Variants in LMNTD2 observed in about 807,000 individuals in gnomAD.
LMNTD2 encodes the protein lamin tail domain-containing protein 2.
Under a neutral mutation model 70.1 loss-of-function variants are expected in LMNTD2, and 83 were observed. That is an observed-to-expected ratio of 1.18 (90% CI 0.99 to 1.42). The LOEUF (loss-of-function observed/expected upper bound fraction) is 1.42. Ranked by LOEUF, LMNTD2 falls within the 40% of genes most tolerant of loss-of-function variation. The probability of loss-of-function intolerance (pLI) is 0.00; values close to 1 mark genes in which losing one functional copy is unlikely to be tolerated. For missense variants in LMNTD2, 1,153 were observed against 905.9 expected, an observed-to-expected ratio of 1.27 and a Z score of -3.50; for synonymous variants, 534 against 406.1, an observed-to-expected ratio of 1.31 and a Z score of -3.79.
chr11:557,770 C>T (rs1448606873), intron 5 of LMNTD2, 114 bp downstream of exon 5: 3 of 1,549,006 alleles, frequency 1.9e-6, no homozygotes, highest in African/African-American at 2.7e-5. Context: ...TCCAGAGGCA[C>T]CTGAGCAGGG....
In LMNTD2 at chr11:558,872, A is replaced by C. The variant is rs755276842; in HGVS notation, c.142T>G (p.Cys48Gly). The change falls in exon 2 of 14, where the codon TGC (cysteine) becomes GGC (glycine). Residue 48 changes from cysteine to glycine, a missense_variant. By Grantham distance (159) the Cys-to-Gly change is radical. Transcript: ENST00000329451. ...CCTCCTTACTGCGGGTCGGCAGAGC[A>C]GACCACCGGTGCGGGGTGGGGCGTG... The part of the protein sequence containing the change: ...DTTPHPAPVV[C>G]SADPQLALES... 6.2e-7 allele frequency: 1 copy of C among 1,606,872 alleles called. No individual in the cohort carries two copies. Among genetic ancestry groups the C allele is most frequent in the East Asian group, 2.2e-5 (1 of 44,646 alleles).
At chr11:557,519 C>A in intron 6 of LMNTD2, 32 bp from the exon 7 acceptor site, 1 of 1,613,414 alleles carries the variant, frequency 6.2e-7, no homozygotes, top group Non-Finnish European at 8.5e-7. Flanking sequence ...CATGGTCCTC[C>A]CCTCCCGCAG....
chr11:557,387 C>T lies in LMNTD2; in HGVS notation c.713+12G>A, dbSNP rs757739525. The T allele has an allele frequency of 5.7e-6, 9 of 1,588,404 alleles. No individual in the cohort carries two copies. Among genetic ancestry groups the T allele is most frequent in the East Asian group, 2.3e-5 (1 of 43,696 alleles). On this transcript the variant is annotated intron_variant, in intron 7 of 13. Coordinates refer to ENST00000329451, the MANE Select transcript of LMNTD2 (RefSeq NM_173573.3). ...TTCTGGCCCCTGGGGAGTCCCTGCT[C>T]TGTGCAGTTACTTTTGCTTTGAGCT...
At position 560,693 on chromosome 11, in the gene LMNTD2, G is replaced by A; in HGVS notation, c.24C>T (p.Gly8=). ...GGGCCAGACACCTACCCCGACGCCT[G>A]CCCGCGGGCCGCAGCCACCGCATTT... MRWLRPA[G]RRREQESVSG... Residue 8 remains glycine, a synonymous_variant, in exon 1 of 14, where the codon GGC becomes GGT. Coordinates refer to ENST00000329451, the MANE Select transcript of LMNTD2 (RefSeq NM_173573.3). 6.9e-7 allele frequency: 1 copy of A among 1,440,872 alleles called. No homozygotes were observed. The allele number at this position is 1,440,872 out of a possible 1,614,324, so 89.3% of individuals were successfully genotyped here.
Position 558,855 on chromosome 11 carries a change from C to T in LMNTD2, c.158+1G>A, listed in dbSNP as rs751687486. 1.9e-6 allele frequency: 3 copies of T among 1,601,000 alleles called. No homozygotes were observed. The highest frequency in any genetic ancestry group is 1.1e-5 in the South Asian group (1 of 90,682). ...TCACCAGTCCTCCCTCTCCTCCTTA[C>T]TGCGGGTCGGCAGAGCAGACCACCG... On this transcript the variant is annotated splice_donor_variant, in intron 2 of 13. Coordinates refer to ENST00000329451, the MANE Select transcript of LMNTD2 (RefSeq NM_173573.3). LOFTEE classifies it high-confidence loss of function.
chr11:559,290 G>A (rs1029360776), intron 1 of LMNTD2: 2 of 1,457,568 alleles, frequency 1.4e-6, no homozygotes, highest in African/African-American at 1.4e-5. Flanking sequence ...CTGTGATGTG[G>A]TGTCCCTCTT....
intron 1 of LMNTD2, chr11:559,578 C>G: frequency 1.5e-5 from 18 of 1,189,166 alleles, no homozygotes; most frequent in Non-Finnish European, 1.9e-5. Flanking sequence ...GAGGGAGGCC[C>G]CAGCATCCCC....
At chr11:559,413 C>T in intron 1 of LMNTD2, 1 of 1,310,234 alleles carries the variant, frequency 7.6e-7, no homozygotes, top group Non-Finnish European at 1.0e-6. Context: ...GATACCAGCA[C>T]CCAGAAGGGG....
intron 1 of LMNTD2, 40 bp from the exon 2 acceptor site, chr11:559,019 C>A: frequency 6.3e-7 from 1 of 1,587,070 alleles, no homozygotes; most frequent in Non-Finnish European, 8.5e-7. Flanking sequence ...GTTTCTTCAA[C>A]CTCCTGGCCA....
In LMNTD2 at chr11:554,902, G is replaced by T; in HGVS notation, c.*78C>A. On this transcript the variant is annotated 3_prime_UTR_variant, in exon 14 of 14. Coordinates refer to ENST00000329451, the MANE Select transcript of LMNTD2 (RefSeq NM_173573.3). ...TGTAGGCCACGTTGGTTCAATAAAT[G>T]ATGCAGCGGACACAGCCCGCCCAGC... is the stretch of plus-strand genomic sequence containing the variant. 2.0e-6 allele frequency: 2 copies of T among 1,019,788 alleles called. No homozygotes were observed. The highest frequency in any genetic ancestry group is 1.4e-6 in the Non-Finnish European group (1 of 737,132). 63.2% of individuals were successfully genotyped at this position (1,019,788 alleles called of 1,614,324 possible).
In LMNTD2 at chr11:555,450, T is replaced by C; in HGVS notation, c.1628A>G (p.Glu543Gly). The change falls in exon 13 of 14, where the codon GAG (glutamate) becomes GGG (glycine). Residue 543 changes from glutamate (E) to glycine (G), a missense_variant. Glu to Gly is a moderately conservative substitution (Grantham distance 98). Transcript: ENST00000329451. ...GGGGTTCTCGGGCCGCGCAGGCCCCTCCCGCGCGTGGAAGAGCTTCCCCGA... is the reference window on the plus strand; with the variant it reads ...GGGGTTCTCGGGCCGCGCAGGCCCCCCCCGCGCGTGGAAGAGCTTCCCCGA... ...VSSGKLFHAR[E>G]GPARPENPEI... 2 of 1,374,524 alleles carry C rather than the reference T, an allele frequency of 1.5e-6. No homozygotes were observed. Among genetic ancestry groups the C allele is most frequent in the South Asian group, 1.8e-5 (1 of 56,758 alleles). The allele number at this position is 1,374,524 out of a possible 1,614,324, so 85.1% of individuals were successfully genotyped here.
At chr11:557,811 C>G (rs1023281781) in intron 5 of LMNTD2, 73 bp downstream of exon 5, 4 of 1,511,622 alleles carry the variant, frequency 2.6e-6, no homozygotes, top group Non-Finnish European at 3.5e-6. Context: ...GGCGCCCCAG[C>G]AGAGGCACCC....
chr11:556,409 G>A, intron 9 of LMNTD2, 34 bp from the exon 10 acceptor site: 1 of 1,540,822 alleles, frequency 6.5e-7, no homozygotes, highest in Non-Finnish European at 8.7e-7. Flanking sequence ...AGGAGATGCG[G>A]CCGGTCCACC....
Position 557,294 on chromosome 11 carries a change from G to A in LMNTD2, c.713+105C>T, listed in dbSNP as rs117790851. 1.2e-4 allele frequency: 176 copies of A among 1,427,660 alleles called. No individual in the cohort carries two copies. In the East Asian group the frequency reaches 3.9e-3, roughly 32 times the overall value. The allele number at this position is 1,427,660 out of a possible 1,614,324, so 88.4% of individuals were successfully genotyped here. ...AGAACGCGCATTGGAAGGTTTAAGAGACTTATCCAGGGACACTAAATGGTC... is the reference window on the plus strand; with the variant it reads ...AGAACGCGCATTGGAAGGTTTAAGAAACTTATCCAGGGACACTAAATGGTC... On this transcript the variant is annotated intron_variant, in intron 7 of 13. Coordinates refer to ENST00000329451, the MANE Select transcript of LMNTD2 (RefSeq NM_173573.3).
Position 556,973 on chromosome 11 carries a change from C to T in LMNTD2, c.838G>A (p.Gly280Ser). 1 of 1,606,658 alleles carries T rather than the reference C, an allele frequency of 6.2e-7. No individual in the cohort carries two copies. Among genetic ancestry groups the T allele is most frequent in the East Asian group, 2.2e-5 (1 of 44,822 alleles). The change falls in exon 8 of 14, where the codon GGC (glycine) becomes AGC (serine). Residue 280 changes from glycine to serine, a missense_variant. Coordinates refer to ENST00000329451, the MANE Select transcript of LMNTD2 (RefSeq NM_173573.3). ...LPCLNTSSSG[G>S]ADSDSSSCRP... ...CAGCTGCTGGAGTCGGAGTCAGCGC[C>T]CCCTGAGCTGCTGGTGTTCAGACAG...
At position 554,857 on chromosome 11, in the gene LMNTD2, T is replaced by C. The variant is rs1852682500; in HGVS notation, c.*123A>G. ...AACCAACATTTCCAGCTCTCAGGTG[T>C]ACAGAAATGCGGTTTACTTTGTAGG... On this transcript the variant is annotated 3_prime_UTR_variant, in exon 14 of 14. Coordinates refer to ENST00000329451, the MANE Select transcript of LMNTD2 (RefSeq NM_173573.3). The C allele has an allele frequency of 5.8e-6, 4 of 686,634 alleles. No individual in the cohort carries two copies. The highest frequency in any genetic ancestry group is 9.0e-6 in the Non-Finnish European group (4 of 443,644). 42.5% of individuals were successfully genotyped at this position (686,634 alleles called of 1,614,324 possible). A position where few individuals can be genotyped will look rare whatever the true frequency, so the allele number is the denominator to read the frequency against.
In LMNTD2 at chr11:556,252, G is replaced by A. The variant is rs1852862502; in HGVS notation, c.1197C>T (p.Phe399=). The change falls in exon 10 of 14, where the codon TTC becomes TTT. Residue 399 remains phenylalanine, a synonymous_variant. Coordinates refer to ENST00000329451, the MANE Select transcript of LMNTD2 (RefSeq NM_173573.3). The part of the protein sequence containing the change: ...GMVLKQLVRG[F]PERLYRFPPG... ...GCGGGAAGCGGTACAGGCGCTCCGG[G>A]AAGCCGCGCACCAGCTGCTTCAGCA... 1.3e-6 allele frequency: 2 copies of A among 1,529,894 alleles called. No individual in the cohort carries two copies. The highest frequency in any genetic ancestry group is 2.5e-5 in the East Asian group (1 of 40,036). The allele number at this position is 1,529,894 out of a possible 1,614,324, so 94.8% of individuals were successfully genotyped here.
At chr11:557,335 T>A in intron 7 of LMNTD2, 64 bp downstream of exon 7, 2 of 1,523,250 alleles carry the variant, frequency 1.3e-6, no homozygotes, top group African/African-American at 2.8e-5. Context: ...GTGTCCTGCG[T>A]CTTCACTTGC....
rs754006542 is a variant in LMNTD2, at chr11:556,938, G to A, written c.873C>T (p.Gly291=). ...CTATCACCTGCACGAAGGAAGGCAG[G>A]CCCGGCCGGCAGCTGCTGGAGTCGG... ...ADSDSSSCRP[G]LPSFVQVIGH... is the part of the protein sequence containing the mutation. The change falls in exon 8 of 14, where the codon GGC becomes GGT. Residue 291 remains glycine (G), a synonymous_variant. Coordinates refer to ENST00000329451, the MANE Select transcript of LMNTD2 (RefSeq NM_173573.3). 5.0e-6 allele frequency: 8 copies of A among 1,600,340 alleles called. No homozygotes were observed. The highest frequency in any genetic ancestry group is 6.8e-6 in the Non-Finnish European group (8 of 1,177,446).
Sources: gnomAD v4.1 joint callset for allele counts on GRCh38, gnomAD v4.1.1 for gene constraint, MANE v1.5 for transcripts, NCBI Gene and HGNC (gene_info 2026-07-23, HGNC 2026-07-21) for gene names.